Variants in MAMLD1 observed in about 807,000 individuals in gnomAD.
MAMLD1 encodes mastermind like domain containing 1, also known as mastermind-like domain-containing protein 1.
In MAMLD1, 14 loss-of-function variants were observed where a neutral mutation model predicts 45.0. That is an observed-to-expected ratio of 0.31 (90% confidence interval 0.21 to 0.49). The LOEUF (loss-of-function observed/expected upper bound fraction) is 0.49. MAMLD1 is among the 20% of genes least tolerant of loss of function. The probability of loss-of-function intolerance (pLI) is 0.99; values close to 1 mark genes in which losing one functional copy is unlikely to be tolerated. For missense variants in MAMLD1, 543 were observed against 603.6 expected, an observed-to-expected ratio of 0.90 and a Z score of 1.05; for synonymous variants, 254 against 247.8, an observed-to-expected ratio of 1.02 and a Z score of -0.24.
intron 6 of MAMLD1, chrX:150,505,036 G>A (rs2037682433): frequency 4.0e-6 from 3 of 753,448 alleles, no homozygotes; most frequent in Non-Finnish European, 4.7e-6. Context: ...CCAAGACTGA[G>A]GAGGAGTCAG....
intron 1 of MAMLD1, among the ~76,000 whole-genome samples, chrX:150,376,474 G>A (rs2032320496): frequency 9.0e-6 from 1 of 111,045 alleles, no homozygotes; most frequent in Non-Finnish European, 1.9e-5. Context: ...CAAGCTGCTA[G>A]GAGCTGAGGT....
intron 1 of MAMLD1, among the ~76,000 whole-genome samples, chrX:150,410,037 C>T (rs2034088245): frequency 2.7e-5 from 3 of 111,650 alleles, no homozygotes; most frequent in South Asian, 7.5e-4. Context: ...TGGGTGTGTT[C>T]CTTGATCTCT....
chrX:150,404,467 A>G (rs2033949731), intron 1 of MAMLD1, among the ~76,000 whole-genome samples: 4 of 111,663 alleles, frequency 3.6e-5, no homozygotes, highest in Non-Finnish European at 7.5e-5. Flanking sequence ...ACACATTCCC[A>G]TTTTCTGAGG....
At chrX:150,503,801 G>A (rs782540595) in intron 6 of MAMLD1, among the ~76,000 whole-genome samples, 109 of 112,282 alleles carry the variant, frequency 9.7e-4, no homozygotes, top group African/African-American at 3.4e-3. Context: ...ATTGACCAGG[G>A]TGCAGCTGCT....
intron 1 of MAMLD1, among the ~76,000 whole-genome samples, chrX:150,368,160 G>C (rs2124446227): frequency 8.9e-6 from 1 of 111,792 alleles, no homozygotes; most frequent in South Asian, 3.8e-4. Context: ...GGTTGAACTA[G>C]TTTACAGTCC....
At chrX:150,496,729 C>T (rs1025409523) in intron 5 of MAMLD1, among the ~76,000 whole-genome samples, 7 of 111,862 alleles carry the variant, frequency 6.3e-5, no homozygotes, top group African/African-American at 2.3e-4. Context: ...ACCTCATTAC[C>T]CAGCATTGCT....
intron 7 of MAMLD1, 46 bp from the exon 8 acceptor site, chrX:150,511,958 A>C: frequency 9.8e-7 from 1 of 1,023,640 alleles, no homozygotes; most frequent in East Asian, 3.7e-5. Flanking sequence ...GCCCAAGTCG[A>C]GGATGCCTTT....
intron 1 of MAMLD1, among the ~76,000 whole-genome samples, chrX:150,398,164 C>T (rs1274732515): frequency 9.4e-6 from 1 of 106,420 alleles, no homozygotes; most frequent in South Asian, 4.5e-4. Flanking sequence ...ACCTAATATC[C>T]ATCGCATTTT....
At chrX:150,398,673 G>A (rs1569564646) in intron 1 of MAMLD1, among the ~76,000 whole-genome samples, 1 of 111,624 alleles carries the variant, frequency 9.0e-6, no homozygotes, top group Non-Finnish European at 1.9e-5. Flanking sequence ...TAACACCAAT[G>A]ACTATAAATA....
chrX:150,383,898 A>G (rs12010304), intron 1 of MAMLD1, among the ~76,000 whole-genome samples: 17,294 of 111,130 alleles, frequency 0.16, 1,133 homozygotes, highest in Middle Eastern at 0.25. Context: ...CCTTAGCATA[A>G]TGTTTTCAAG....
At chrX:150,434,218 T>C (rs1408224903) in intron 1 of MAMLD1, among the ~76,000 whole-genome samples, 4 of 111,414 alleles carry the variant, frequency 3.6e-5, no homozygotes, top group Non-Finnish European at 7.5e-5. Context: ...TCTCAGGGGA[T>C]TTTTTGTATT....
intron 4 of MAMLD1, among the ~76,000 whole-genome samples, chrX:150,472,679 G>A (rs1390347300): frequency 8.9e-6 from 1 of 112,196 alleles, no homozygotes. Flanking sequence ...AGAGAGGGAG[G>A]AGGGATAGTG....
chrX:150,378,448 T>C (rs980566734), intron 1 of MAMLD1, among the ~76,000 whole-genome samples: 1 of 112,024 alleles, frequency 8.9e-6, no homozygotes, highest in Non-Finnish European at 1.9e-5. Context: ...CCCGTTGCAA[T>C]TAATGAGTAT....
intron 2 of MAMLD1, among the ~76,000 whole-genome samples, chrX:150,445,886 T>C (rs2035471984): frequency 9.0e-6 from 1 of 110,696 alleles, no homozygotes; most frequent in Non-Finnish European, 1.9e-5. Flanking sequence ...ATAAGAAAAA[T>C]GAGGAAGGAT....
At chrX:150,473,912 G>A (rs2036506930) in intron 5 of MAMLD1, 110 bp downstream of exon 5, 1 of 868,717 alleles carries the variant, frequency 1.2e-6, no homozygotes, top group East Asian at 3.1e-5. Context: ...TAATTATTGG[G>A]GTCATGCAAA....
rs1348703384 is a variant in MAMLD1 at position 150,481,976 on chromosome X, G to GAAAGAAA, written c.2040+8175_2040+8181dup. On this transcript the variant is annotated intron_variant, in intron 5 of 7. Transcript: ENST00000370401. ...AAGAAAGAAAGAAAAAAGAAAGAAA[G>GAAAGAAA]AAAGAAAGAAAGAAAGAAAGAAAGA... Among the ~76,000 whole-genome samples the GAAAGAAA allele has an allele frequency of 1.6e-3, 124 of 77,266 alleles. 1 individual carries two copies. The highest frequency in any genetic ancestry group is 6.0e-3 in the Middle Eastern group (1 of 167). The allele number at this position is 77,266 out of a possible 115,157, so 67.1% of individuals were successfully genotyped here.
At position 150,512,107 on chromosome X, in the gene MAMLD1, G is replaced by T; in HGVS notation, c.*148G>T. 1 of 1,152,598 alleles carries T rather than the reference G, an allele frequency of 8.7e-7. No homozygotes were observed. The highest frequency in any genetic ancestry group is 1.1e-6 in the Non-Finnish European group (1 of 871,038). The allele number at this position is 1,152,598 out of a possible 1,213,427, so 95.0% of individuals were successfully genotyped here. Reference sequence around the variant, plus strand: ...GAACTGGGCTTCTTCAGAACAATCTGAGTCCAGGAATGATCCCACTCACCA... The same window carrying T: ...GAACTGGGCTTCTTCAGAACAATCTTAGTCCAGGAATGATCCCACTCACCA... On this transcript the variant is annotated 3_prime_UTR_variant, in exon 8 of 8. Transcript: ENST00000370401.
At chrX:150,421,430 C>A (rs782554360) in intron 1 of MAMLD1, among the ~76,000 whole-genome samples, 81 of 112,825 alleles carry the variant, frequency 7.2e-4, no homozygotes, top group Middle Eastern at 4.6e-3. Context: ...TAGACCGGAG[C>A]TGTTCCTATT....
intron 1 of MAMLD1, among the ~76,000 whole-genome samples, chrX:150,372,488 T>C (rs1416515526): frequency 4.5e-5 from 5 of 112,289 alleles, no homozygotes; most frequent in Non-Finnish European, 9.4e-5. Flanking sequence ...TTTGCGTGTC[T>C]AATTCTGAAA....
Sources: gnomAD v4.1 joint callset for allele counts (sites outside exome capture counted in the v4.1 genomes callset) on GRCh38, gnomAD v4.1.1 for gene constraint, MANE v1.5 for transcripts, NCBI Gene and HGNC (gene_info 2026-07-23, HGNC 2026-07-21) for gene names.